Variants in CCDC60 observed in about 807,000 individuals in gnomAD.
CCDC60 encodes coiled-coil domain containing 60.
A neutral mutation model predicts 63.5 loss-of-function variants in CCDC60; 54 were observed. That is an observed-to-expected ratio of 0.85 (90% CI 0.68 to 1.07). The LOEUF (loss-of-function observed/expected upper bound fraction) is 1.07. Ranked by LOEUF, CCDC60 falls within the 50% of genes least tolerant of loss-of-function variation. The pLI is 0.00. For missense variants in CCDC60, 651 were observed against 684.3 expected (o/e 0.95, Z 0.54); for synonymous variants, 206 against 238.8 (o/e 0.86, Z 1.27).
chr12:119,504,679 T>A (rs1951944936), intron 6 of CCDC60, among the ~76,000 whole-genome samples: 1 of 152,118 alleles, frequency 6.6e-6, no homozygotes, highest in African/African-American at 2.4e-5. Flanking sequence ...ATTAGACCCA[T>A]CCTCATACAC....
chr12:119,336,022 C>G (rs1285765597), intron 1 of CCDC60, among the ~76,000 whole-genome samples: 1 of 143,492 alleles, frequency 7.0e-6, no homozygotes, highest in Non-Finnish European at 1.5e-5. Flanking sequence ...CATATTCTCA[C>G]TCATAGGTGG....
chr12:119,376,569 A>G (rs1402970155), intron 1 of CCDC60, among the ~76,000 whole-genome samples: 2 of 152,162 alleles, frequency 1.3e-5, no homozygotes, highest in African/African-American at 4.8e-5. Context: ...TGAAGCTTGC[A>G]GTGAGCCAGA....
At chr12:119,389,643 A>G (rs1956121961) in intron 1 of CCDC60, among the ~76,000 whole-genome samples, 2 of 152,152 alleles carry the variant, frequency 1.3e-5, no homozygotes, top group Admixed American at 6.5e-5. Flanking sequence ...AGGCTTAGAA[A>G]AGAAGCAAGT....
chr12:119,340,901 T>C (rs1376227611), intron 1 of CCDC60, among the ~76,000 whole-genome samples: 1 of 152,128 alleles, frequency 6.6e-6, no homozygotes, highest in Non-Finnish European at 1.5e-5. Context: ...AAACAAAATA[T>C]CTAACAACCA....
chr12:119,350,598 G>A (rs1429242096), intron 1 of CCDC60, among the ~76,000 whole-genome samples: 1 of 152,132 alleles, frequency 6.6e-6, no homozygotes, highest in Non-Finnish European at 1.5e-5. Flanking sequence ...GCTCTTATCA[G>A]CACTGCCATA....
At chr12:119,383,592 A>T (rs750267573) in intron 1 of CCDC60, among the ~76,000 whole-genome samples, 4 of 152,254 alleles carry the variant, frequency 2.6e-5, no homozygotes, top group African/African-American at 7.2e-5. Context: ...ATAGAGAAAG[A>T]ATAAAGAAAC....
chr12:119,368,774 A>G (rs1955868916), intron 1 of CCDC60, among the ~76,000 whole-genome samples: 1 of 152,250 alleles, frequency 6.6e-6, no homozygotes. Flanking sequence ...GCTCGTAATT[A>G]ACGTGGCCCG....
In CCDC60 at chr12:119,537,201, C is replaced by T. The variant is rs188709735; in HGVS notation, c.1552-3413C>T. Reference sequence around the variant, plus strand: ...TACCCTTTCTTCCACTAGATTGAATCGGCTACTGAAGCTTGTGAATTCTTC... The same window carrying T: ...TACCCTTTCTTCCACTAGATTGAATTGGCTACTGAAGCTTGTGAATTCTTC... On this transcript the variant is annotated intron_variant, in intron 13 of 13. Coordinates refer to ENST00000327554, the MANE Select transcript of CCDC60 (RefSeq NM_178499.5). 2.7e-3 allele frequency among the ~76,000 whole-genome samples: 416 copies of T among 152,278 alleles called. 7 individuals carry two copies. The highest frequency in any genetic ancestry group is 2.9e-3 in the South Asian group (14 of 4,822).
intron 1 of CCDC60, among the ~76,000 whole-genome samples, chr12:119,383,607 G>A (rs1166862693): frequency 1.3e-5 from 2 of 152,216 alleles, no homozygotes; most frequent in South Asian, 2.1e-4. Context: ...AGAAACGAGT[G>A]TGCAGAAAAT....
At chr12:119,362,926 C>T (rs1176288037) in intron 1 of CCDC60, among the ~76,000 whole-genome samples, 2 of 152,110 alleles carry the variant, frequency 1.3e-5, no homozygotes, top group Admixed American at 6.6e-5. Context: ...TGGCAAAACC[C>T]CATCTCTACT....
At chr12:119,443,549 C>A (rs1297580397) in intron 2 of CCDC60, among the ~76,000 whole-genome samples, 5 of 152,148 alleles carry the variant, frequency 3.3e-5, no homozygotes. Flanking sequence ...AACCCGCAAC[C>A]TACAAGAGTT....
At chr12:119,353,712 A>T (rs1955686029) in intron 1 of CCDC60, among the ~76,000 whole-genome samples, 1 of 144,950 alleles carries the variant, frequency 6.9e-6, no homozygotes, top group African/African-American at 2.6e-5. Context: ...GGTTCAAGCA[A>T]TTCTCCTGCC....
At chr12:119,363,242 C>G (rs1236133432) in intron 1 of CCDC60, among the ~76,000 whole-genome samples, 1 of 152,148 alleles carries the variant, frequency 6.6e-6, no homozygotes, top group African/African-American at 2.4e-5. Context: ...GTAGTGATAC[C>G]TCATCGTGCT....
intron 3 of CCDC60, 134 bp downstream of exon 3, chr12:119,472,298 CT>C: frequency 1.2e-6 from 1 of 801,964 alleles, no homozygotes; most frequent in Non-Finnish European, 2.0e-6. Context: ...CTAACACCTT[CT>C]TTAGTGTGGT....
At chr12:119,535,324 G>C (rs1016946341) in intron 13 of CCDC60, among the ~76,000 whole-genome samples, 1 of 151,968 alleles carries the variant, frequency 6.6e-6, no homozygotes, top group Non-Finnish European at 1.5e-5. Flanking sequence ...TGTTACTCTT[G>C]CTAGCAGTCT....
intron 1 of CCDC60, among the ~76,000 whole-genome samples, chr12:119,399,376 C>T (rs1037766052): frequency 1.9e-4 from 29 of 152,320 alleles, no homozygotes; most frequent in Non-Finnish European, 4.3e-4. Context: ...CCCTTGCCCT[C>T]CCATCTGTTC....
intron 2 of CCDC60, among the ~76,000 whole-genome samples, chr12:119,463,521 C>T (rs903722656): frequency 6.6e-6 from 1 of 152,192 alleles, no homozygotes; most frequent in African/African-American, 2.4e-5. Context: ...AATAATAGCA[C>T]CTAAAACACA....
intron 1 of CCDC60, among the ~76,000 whole-genome samples, chr12:119,387,689 C>T (rs1046264993): frequency 2.0e-5 from 3 of 152,094 alleles, no homozygotes; most frequent in Admixed American, 2.0e-4. Flanking sequence ...TATTTCACAA[C>T]TTCTTAAAAC....
intron 7 of CCDC60, among the ~76,000 whole-genome samples, chr12:119,514,428 A>G (rs935347991): frequency 2.0e-5 from 3 of 150,894 alleles, no homozygotes; most frequent in African/African-American, 7.3e-5. Flanking sequence ...TCATCAGGTG[A>G]TCCACCCACC....
Sources: gnomAD v4.1 joint callset for allele counts (sites outside exome capture counted in the v4.1 genomes callset) on GRCh38, gnomAD v4.1.1 for gene constraint, MANE v1.5 for transcripts, NCBI Gene and HGNC (gene_info 2026-07-23, HGNC 2026-07-21) for gene names.